The following AMMECR1 variants were observed in gnomAD, a reference collection of about 807,000 sequenced individuals.
AMMECR1 encodes AMMECR nuclear protein 1, also known as nuclear protein AMMECR1.
A neutral mutation model predicts 22.5 loss-of-function variants in AMMECR1; 3 were observed. The observed-to-expected ratio is 0.13, with a 90% CI of 0.06 to 0.35. The LOEUF is 0.35. AMMECR1 is among the 10% of genes least tolerant of loss of function. AMMECR1 has a pLI of 1.00. For synonymous variants in AMMECR1, 130 were observed against 116.7 expected, an observed-to-expected ratio of 1.11 and a Z score of -0.74; for missense variants, 235 against 278.7, an observed-to-expected ratio of 0.84 and a Z score of 1.12.
rs762089811 is a variant in AMMECR1 at position 110,235,346 on chromosome X, G to A, written c.585-18714C>T. The stretch of plus-strand genomic sequence containing the variant: ...TCAGGAAACAGCAGATGCTGGAGAC[G>A]ATGTGGAGAAATAGGAATGCTTTTA... On this transcript the variant is annotated intron_variant, in intron 2 of 5. Coordinates refer to ENST00000262844, the MANE Select transcript of AMMECR1 (RefSeq NM_015365.3). Among the ~76,000 whole-genome samples the A allele has an allele frequency of 3.8e-3, 424 of 112,357 alleles. 2 individuals are homozygous for A. The highest frequency in any genetic ancestry group is 0.013 in the African/African-American group (408 of 30,959).
intron 2 of AMMECR1, among the ~76,000 whole-genome samples, chrX:110,417,606 A>G (rs1441988362): frequency 8.9e-6 from 1 of 111,793 alleles, no homozygotes; most frequent in Non-Finnish European, 1.9e-5. Context: ...TTTTATACAC[A>G]TGAGGAAACA....
At chrX:110,384,122 G>T (rs928424232) in intron 2 of AMMECR1, among the ~76,000 whole-genome samples, 7 of 111,126 alleles carry the variant, frequency 6.3e-5, no homozygotes, top group Admixed American at 3.8e-4. Flanking sequence ...TTATTATATA[G>T]CACTATTATA....
chrX:110,259,394 G>C (rs1474011781), intron 2 of AMMECR1, among the ~76,000 whole-genome samples: 1 of 111,138 alleles, frequency 9.0e-6, no homozygotes, highest in Non-Finnish European at 1.9e-5. Flanking sequence ...AGAGGTCTAA[G>C]TACAACAAAG....
chrX:110,367,818 A>G (rs1331408701), intron 2 of AMMECR1, among the ~76,000 whole-genome samples: 2 of 109,296 alleles, frequency 1.8e-5, no homozygotes, highest in African/African-American at 3.3e-5. Flanking sequence ...TTAAAAATTT[A>G]TTTGTTTAGA....
At position 110,200,914 on chromosome X, in the gene AMMECR1, A is replaced by G. The variant is rs772166557; in HGVS notation, c.887+40T>C. 3.0e-6 allele frequency: 3 copies of G among 1,010,474 alleles called. No individual in the cohort carries two copies. In the Admixed American group the frequency reaches 6.7e-5, roughly 23 times the overall value. The allele number at this position is 1,010,474 out of a possible 1,213,427, so 83.3% of individuals were successfully genotyped here. A position where few individuals can be genotyped will look rare whatever the true frequency, so the allele number is the denominator to read the frequency against. On this transcript the variant is annotated intron_variant, in intron 5 of 5. Transcript: ENST00000262844. Reference sequence around the variant, plus strand: ...AAGGGTTATAGGCATACACATCAAAATGTACAGGTTAGCCTTGTGCTAGAA... The same window carrying G: ...AAGGGTTATAGGCATACACATCAAAGTGTACAGGTTAGCCTTGTGCTAGAA...
rs141902460 is a variant in AMMECR1, at chrX:110,304,081, T to G, written c.473+13518A>C. On this transcript the variant is annotated intron_variant, in intron 1 of 5. Transcript: ENST00000262844. ...CATAAACTAAAAATATGCTGCTCAT[T>G]GTAATTCAGGAAACTATTTTAGAAT... Among the ~76,000 whole-genome samples, 44 of 112,254 alleles carry G rather than the reference T, an allele frequency of 3.9e-4. No individual in the cohort carries two copies. The East Asian group carries it at 0.012, about 31-fold the overall frequency.
chrX:110,238,026 T>C (rs1360210255), intron 2 of AMMECR1, among the ~76,000 whole-genome samples: 1 of 111,620 alleles, frequency 9.0e-6, no homozygotes, highest in Non-Finnish European at 1.9e-5. Flanking sequence ...ATTTCCAGGA[T>C]TCTGGAATTA....
At chrX:110,358,372 A>G (rs2068241477) in intron 2 of AMMECR1, among the ~76,000 whole-genome samples, 1 of 111,619 alleles carries the variant, frequency 9.0e-6, no homozygotes, top group African/African-American at 3.3e-5. Flanking sequence ...GAGTTGGGAA[A>G]ATCGAGACCC....
At chrX:110,367,135 G>C (rs758771766) in intron 2 of AMMECR1, among the ~76,000 whole-genome samples, 1 of 111,480 alleles carries the variant, frequency 9.0e-6, no homozygotes, top group Non-Finnish European at 1.9e-5. Context: ...ATTTCTTTTT[G>C]CCTAATCAAG....
At chrX:110,210,061 C>T (rs1381202287) in intron 3 of AMMECR1, among the ~76,000 whole-genome samples, 3 of 110,648 alleles carry the variant, frequency 2.7e-5, no homozygotes. Flanking sequence ...TAATCAGCAG[C>T]GCATTTTGCT....
At chrX:110,373,782 C>A (rs1298784954) in intron 2 of AMMECR1, among the ~76,000 whole-genome samples, 1 of 111,547 alleles carries the variant, frequency 9.0e-6, no homozygotes, top group Non-Finnish European at 1.9e-5. Context: ...CAACTTTCCT[C>A]GGTGTGTGTA....
intron 1 of AMMECR1, among the ~76,000 whole-genome samples, chrX:110,283,888 G>A (rs917667224): frequency 5.4e-5 from 6 of 111,675 alleles, no homozygotes; most frequent in Non-Finnish European, 9.4e-5. Flanking sequence ...TTGGGAGGCC[G>A]AGGAGGGTGG....
intron 3 of AMMECR1, among the ~76,000 whole-genome samples, chrX:110,213,965 TA>T (rs1382302167): frequency 0.02 from 2,022 of 102,181 alleles, 39 homozygotes; most frequent in African/African-American, 0.064. Context: ...ATATTAAAAG[TA>T]AAAAAAAAAA....
intron 2 of AMMECR1, among the ~76,000 whole-genome samples, chrX:110,329,799 G>T (rs1353805720): frequency 1.8e-5 from 2 of 111,842 alleles, no homozygotes; most frequent in Non-Finnish European, 3.8e-5. Context: ...TACAAACTTT[G>T]TTTCATGCAC....
chrX:110,429,538 T>C (rs1365694898), intron 1 of AMMECR1, among the ~76,000 whole-genome samples: 3 of 107,532 alleles, frequency 2.8e-5, no homozygotes, highest in Non-Finnish European at 5.8e-5. Flanking sequence ...TGGAGTACAG[T>C]GGCATGCAAT....
chrX:110,240,520 G>A (rs1178269796), intron 2 of AMMECR1, among the ~76,000 whole-genome samples: 5 of 103,094 alleles, frequency 4.8e-5, no homozygotes, highest in African/African-American at 1.8e-4. Context: ...AATGCAACAA[G>A]AAGAGCTAAC....
intron 2 of AMMECR1, among the ~76,000 whole-genome samples, chrX:110,243,366 A>G (rs1167261589): frequency 1.8e-5 from 2 of 112,133 alleles, no homozygotes; most frequent in Non-Finnish European, 3.8e-5. Context: ...ACTCAGCTAC[A>G]ATATAAAAAC....
intron 2 of AMMECR1, among the ~76,000 whole-genome samples, chrX:110,412,970 A>G (rs1602983952): frequency 8.9e-6 from 1 of 111,871 alleles, no homozygotes; most frequent in African/African-American, 3.3e-5. Context: ...AAAGATGTAA[A>G]GGGAAAAAAA....
intron 2 of AMMECR1, among the ~76,000 whole-genome samples, chrX:110,409,875 AG>A (rs2068629673): frequency 9.0e-6 from 1 of 111,250 alleles, no homozygotes; most frequent in Non-Finnish European, 1.9e-5. Flanking sequence ...TGTTGTCAGG[AG>A]CAGAAGGGAC....
Sources: allele counts gnomAD v4.1 joint callset (sites outside exome capture counted in the v4.1 genomes callset), GRCh38; gene constraint gnomAD v4.1.1; transcripts MANE v1.5; gene names NCBI Gene and HGNC (gene_info 2026-07-23, HGNC 2026-07-21).